STAT5B: variants seen among roughly 807,000 people sequenced by gnomAD.
STAT5B encodes transcription factor STAT5B.
In STAT5B, 21 loss-of-function variants were observed where a neutral mutation model predicts 107.8. The observed-to-expected ratio is 0.19, with a 90% CI of 0.14 to 0.28. STAT5B has a LOEUF of 0.28. STAT5B is among the 10% of genes least tolerant of loss of function. STAT5B has a pLI of 1.00. For synonymous variants in STAT5B, 325 were observed against 401.7 expected (o/e 0.81, Z 2.28); for missense variants, 565 against 1,008.2 (o/e 0.56, Z 5.95).
chr17:42,209,152 A>C (rs1427891412), intron 15 of STAT5B, among the ~76,000 whole-genome samples: 4 of 150,900 alleles, frequency 2.7e-5, no homozygotes, highest in Non-Finnish European at 5.9e-5. Context: ...ATCCCACCTC[A>C]CCCTCCAGAG....
intron 1 of STAT5B, among the ~76,000 whole-genome samples, chr17:42,238,971 C>T (rs1323773816): frequency 3.3e-5 from 5 of 150,810 alleles, no homozygotes; most frequent in East Asian, 2.0e-4. Context: ...AAGAAGAGGC[C>T]GGGTGCGGTG....
At chr17:42,274,281 CAAAAAAAAAAAAAAA>C (rs534342062) in intron 1 of STAT5B, among the ~76,000 whole-genome samples, 36 of 62,520 alleles carry the variant, frequency 5.8e-4, no homozygotes, top group Non-Finnish European at 9.5e-4. Context: ...GTTTGCTTTA[CAAAAAAAAAAAAAAA>C]AAAAAAAAAA....
intron 9 of STAT5B, chr17:42,217,750 G>A (rs989370783): frequency 1.3e-4 from 62 of 472,900 alleles, no homozygotes; most frequent in African/African-American, 9.0e-4. Flanking sequence ...GTGCAGTGGC[G>A]TGATCTCAGC....
intron 5 of STAT5B, 93 bp from the exon 6 acceptor site, chr17:42,219,935 T>C: frequency 6.3e-7 from 1 of 1,586,402 alleles, no homozygotes; most frequent in Non-Finnish European, 8.6e-7. Context: ...AGCGAGACCC[T>C]CCTGGGCTCA....
chr17:42,219,933 C>A, intron 5 of STAT5B, 91 bp from the exon 6 acceptor site: 1 of 1,589,740 alleles, frequency 6.3e-7, no homozygotes, highest in East Asian at 2.3e-5. Context: ...GGAGCGAGAC[C>A]CTCCTGGGCT....
chr17:42,238,978 G>A (rs1281230744), intron 1 of STAT5B, among the ~76,000 whole-genome samples: 10 of 151,218 alleles, frequency 6.6e-5, no homozygotes, highest in Non-Finnish European at 1.5e-4. Context: ...GGCCGGGTGC[G>A]GTGGCTCATG....
chr17:42,285,556 G>A, the STAT5B span, among the ~76,000 whole-genome samples: 1 of 152,188 alleles, frequency 6.6e-6, no homozygotes, highest in Non-Finnish European at 1.5e-5. Flanking sequence ...CCCCCATCCC[G>A]TGGCCTCAGT....
At chr17:42,204,089 C>A (rs904987102) in intron 16 of STAT5B, among the ~76,000 whole-genome samples, 5 of 152,204 alleles carry the variant, frequency 3.3e-5, no homozygotes, top group African/African-American at 1.2e-4. Flanking sequence ...CCAGCACCTG[C>A]ACGCTCCTTC....
At chr17:42,228,053 T>G (rs1428406137) in intron 2 of STAT5B, among the ~76,000 whole-genome samples, 1 of 152,178 alleles carries the variant, frequency 6.6e-6, no homozygotes, top group Non-Finnish European at 1.5e-5. Flanking sequence ...TTCCTATTTA[T>G]AGTTACCCCT....
chr17:42,267,523 T>C (rs2080683946), intron 1 of STAT5B, among the ~76,000 whole-genome samples: 1 of 152,000 alleles, frequency 6.6e-6, no homozygotes, highest in Non-Finnish European at 1.5e-5. Context: ...AATTAAAAAG[T>C]TTTTAAAGTT....
intron 1 of STAT5B, among the ~76,000 whole-genome samples, chr17:42,264,197 CTTTTT>C (rs969263865): frequency 1.3e-5 from 2 of 148,586 alleles, no homozygotes; most frequent in East Asian, 2.0e-4. Context: ...TTGTACAAAT[CTTTTT>C]TTTTTAATTT....
At chr17:42,228,146 T>C (rs1258808090) in intron 2 of STAT5B, among the ~76,000 whole-genome samples, 1 of 152,182 alleles carries the variant, frequency 6.6e-6, no homozygotes. Flanking sequence ...GTGGGTTTCT[T>C]AGGTAGAGAC....
chr17:42,276,221 G>A lies in STAT5B; in HGVS notation c.-11+27C>T, dbSNP rs2080764304. The A allele has an allele frequency of 6.8e-6, 1 of 147,256 alleles. No individual in the cohort carries two copies. Among genetic ancestry groups the A allele is most frequent in the African/African-American group, 2.5e-5 (1 of 40,776 alleles). The allele number at this position is 147,256 out of a possible 1,614,324, so 9.1% of individuals were successfully genotyped here. A position where few individuals can be genotyped will look rare whatever the true frequency, so the allele number is the denominator to read the frequency against. ...CCCGGCCTGGCTCCCCCGGCCCCGG[G>A]CCCAGGGCTCGCCCCGCAGCTCCTA... On this transcript the variant is annotated intron_variant, in intron 1 of 18. Coordinates refer to ENST00000293328, the MANE Select transcript of STAT5B (RefSeq NM_012448.4). This position sits in a 1 kb window ranked among gnomAD's most constrained non-coding sequence, Gnocchi z 4.8.
At chr17:42,283,331 T>G in the STAT5B span, among the ~76,000 whole-genome samples, 1 of 152,202 alleles carries the variant, frequency 6.6e-6, no homozygotes, top group Non-Finnish European at 1.5e-5. Flanking sequence ...CTCCTGGGCC[T>G]GGCCCTGCAA....
chr17:42,203,031 C>T, intron 16 of STAT5B: 1 of 588,720 alleles, frequency 1.7e-6, no homozygotes, highest in South Asian at 1.8e-5. Flanking sequence ...CAGCCTCCGC[C>T]TCCCAGGTTC....
At chr17:42,249,771 T>C (rs1030031232) in intron 1 of STAT5B, among the ~76,000 whole-genome samples, 1 of 152,060 alleles carries the variant, frequency 6.6e-6, no homozygotes, top group Non-Finnish European at 1.5e-5. Context: ...AGCAATCCTC[T>C]TGTCTCAGTC....
At chr17:42,216,765 A>G (rs1425564041) in intron 11 of STAT5B, among the ~76,000 whole-genome samples, 1 of 150,716 alleles carries the variant, frequency 6.6e-6, no homozygotes, top group Non-Finnish European at 1.5e-5. Flanking sequence ...ATCTCGGTTC[A>G]TTACAACCTC....
At chr17:42,232,242 A>C in intron 1 of STAT5B, 105 bp from the exon 2 acceptor site, 5 of 1,203,652 alleles carry the variant, frequency 4.2e-6, no homozygotes, top group Non-Finnish European at 4.3e-6. Context: ...TTTTTATTTT[A>C]TTATTTATTT....
chr17:42,232,650 T>C (rs536950476), intron 1 of STAT5B, among the ~76,000 whole-genome samples: 2 of 152,250 alleles, frequency 1.3e-5, no homozygotes, highest in African/African-American at 2.4e-5. Flanking sequence ...AGCCTGGCCA[T>C]GGAAAGATAC....
Sources: allele counts gnomAD v4.1 joint callset (sites outside exome capture counted in the v4.1 genomes callset), GRCh38; gene constraint gnomAD v4.1.1; non-coding constraint Gnocchi (gnomAD v3.1); transcripts MANE v1.5; gene names NCBI Gene and HGNC (gene_info 2026-07-23, HGNC 2026-07-21).